Variants in CRIM1 observed in about 807,000 individuals in gnomAD.
CRIM1 encodes the protein cysteine-rich motor neuron 1 protein.
CRIM1 carries 32 observed loss-of-function variants against 116.4 expected under a neutral mutation model. That is an observed-to-expected ratio of 0.27 (90% CI 0.21 to 0.37). The LOEUF (loss-of-function observed/expected upper bound fraction) is 0.37. Ranked by LOEUF, CRIM1 falls within the 10% of genes least tolerant of loss-of-function variation. The probability of loss-of-function intolerance (pLI) is 1.00; values close to 1 mark genes in which losing one functional copy is unlikely to be tolerated. For missense variants in CRIM1, 1,331 were observed against 1,354.8 expected, an observed-to-expected ratio of 0.98 and a Z score of 0.28; for synonymous variants, 590 against 509.2, an observed-to-expected ratio of 1.16 and a Z score of -2.13.
intron 2 of CRIM1, among the ~76,000 whole-genome samples, chr2:36,422,781 C>A (rs145648109): frequency 1.3e-5 from 2 of 152,288 alleles, no homozygotes; most frequent in Non-Finnish European, 2.9e-5. Context: ...TTTAATACTT[C>A]GGAAATGGTT....
chr2:36,488,593 T>G (rs942862931), intron 7 of CRIM1, among the ~76,000 whole-genome samples: 7 of 152,290 alleles, frequency 4.6e-5, no homozygotes, highest in African/African-American at 1.7e-4. Context: ...ATATTTTGAG[T>G]TTAAGTTGAT....
intron 2 of CRIM1, among the ~76,000 whole-genome samples, chr2:36,438,419 A>C (rs945556812): frequency 6.6e-6 from 1 of 152,210 alleles, no homozygotes; most frequent in Non-Finnish European, 1.5e-5. Flanking sequence ...ACAAACTCCA[A>C]CTTAATCTGC....
Position 36,356,463 on chromosome 2 carries a change from G to A in CRIM1, c.171G>A (p.Gln57=). The part of the protein sequence containing the change: ...EPRNCPGSIV[Q]GVCGCCYTCA... ...GGAACTGCCCGGGGAGCATCGTGCA[G>A]GGCGTCTGCGGCTGCTGCTACACGT... is the stretch of plus-strand genomic sequence containing the variant. Residue 57 remains glutamine, a synonymous_variant, in exon 1 of 17, where the codon CAG becomes CAA. Transcript: ENST00000280527. The surrounding 1 kb of genome is among the most constrained non-coding windows in gnomAD (Gnocchi z 4.3). 1 of 1,612,606 alleles carries A rather than the reference G, an allele frequency of 6.2e-7. No homozygotes were observed. Among genetic ancestry groups the A allele is most frequent in the Non-Finnish European group, 8.5e-7 (1 of 1,179,824 alleles).
intron 11 of CRIM1, 45 bp downstream of exon 11, chr2:36,513,810 C>T: frequency 6.4e-7 from 1 of 1,564,480 alleles, no homozygotes; most frequent in South Asian, 1.1e-5. Context: ...CAAATGACTT[C>T]TGCCTTGCAG....
chr2:36,464,426 G>C, intron 4 of CRIM1, 108 bp from the exon 5 acceptor site: 2 of 1,138,716 alleles, frequency 1.8e-6, no homozygotes, highest in Non-Finnish European at 1.3e-6. Context: ...AGGCAGTGTC[G>C]TATAGACCAG....
At chr2:36,412,060 T>C (rs1673253724) in intron 2 of CRIM1, among the ~76,000 whole-genome samples, 1 of 152,168 alleles carries the variant, frequency 6.6e-6, no homozygotes, top group African/African-American at 2.4e-5. Context: ...TCGAAAACTG[T>C]CTTCCTTTTG....
intron 2 of CRIM1, among the ~76,000 whole-genome samples, chr2:36,417,830 C>T (rs757205082): frequency 2.0e-5 from 3 of 151,944 alleles, no homozygotes; most frequent in Admixed American, 6.6e-5. Context: ...TTTACAGGTA[C>T]GAGAAAAATG....
At chr2:36,543,721 A>AGAT (rs1667119453) in intron 14 of CRIM1, among the ~76,000 whole-genome samples, 1 of 147,800 alleles carries the variant, frequency 6.8e-6, no homozygotes, top group Non-Finnish European at 1.5e-5. Context: ...CTGATATTTG[A>AGAT]GATAAATAAT....
chr2:36,368,980 G>A (rs1342397329), intron 1 of CRIM1: 4 of 152,040 alleles, frequency 2.6e-5, no homozygotes, highest in Admixed American at 2.6e-4. Context: ...AGATCTTACC[G>A]TCTCTCTTCC....
At chr2:36,481,805 C>G (rs1679438720) in intron 7 of CRIM1, among the ~76,000 whole-genome samples, 1 of 152,186 alleles carries the variant, frequency 6.6e-6, no homozygotes, top group Non-Finnish European at 1.5e-5. Context: ...CTTGCTTCCC[C>G]TGCCCCACAC....
At chr2:36,393,350 A>G (rs1193893005) in intron 1 of CRIM1, among the ~76,000 whole-genome samples, 1 of 152,116 alleles carries the variant, frequency 6.6e-6, no homozygotes, top group Non-Finnish European at 1.5e-5. Flanking sequence ...ATCTTGAAAC[A>G]TAGTTTTCCT....
chr2:36,457,599 T>C (rs916707145), intron 4 of CRIM1, among the ~76,000 whole-genome samples: 1 of 152,068 alleles, frequency 6.6e-6, no homozygotes, highest in African/African-American at 2.4e-5. Flanking sequence ...GAGGGTTAGT[T>C]ATTCATACAC....
chr2:36,512,231 CTT>C (rs764052845), intron 9 of CRIM1, 40 bp from the exon 10 acceptor site: 4 of 1,601,102 alleles, frequency 2.5e-6, no homozygotes, highest in South Asian at 1.1e-5. Flanking sequence ...TCATTTGAGA[CTT>C]TGTGATTTTC....
At chr2:36,374,092 A>G (rs942592496) in intron 1 of CRIM1, among the ~76,000 whole-genome samples, 1 of 152,190 alleles carries the variant, frequency 6.6e-6, no homozygotes, top group Non-Finnish European at 1.5e-5. Context: ...TACCCATACT[A>G]TGTGTCAAGA....
chr2:36,408,914 T>C (rs1673010227), intron 2 of CRIM1, among the ~76,000 whole-genome samples: 1 of 152,030 alleles, frequency 6.6e-6, no homozygotes, highest in South Asian at 2.1e-4. Context: ...TTTATCACTA[T>C]AGGTAAGGAA....
chr2:36,396,693 T>C lies in CRIM1; in HGVS notation c.411T>C (p.Asn137=). Residue 137 remains asparagine, a synonymous_variant, in exon 2 of 17, where the codon AAT becomes AAC. Transcript: ENST00000280527. Reference sequence around the variant, plus strand: ...TTATTGCTGGCTGCAATATAATCAATGGGAAATGTGAATGTAACACCATTC... The same window carrying C: ...TTATTGCTGGCTGCAATATAATCAACGGGAAATGTGAATGTAACACCATTC... ...ENLIAGCNII[N]GKCECNTIRT... 1 of 1,613,680 alleles carries C rather than the reference T, an allele frequency of 6.2e-7. No homozygotes were observed. The highest frequency in any genetic ancestry group is 8.5e-7 in the Non-Finnish European group (1 of 1,179,606).
Position 36,408,180 on chromosome 2 carries a change from G to A in CRIM1, c.505+11393G>A, listed in dbSNP as rs181251609. Among the ~76,000 whole-genome samples, 29 of 152,292 alleles carry A rather than the reference G, an allele frequency of 1.9e-4. No homozygotes were observed. In the Middle Eastern group the frequency reaches 0.01, roughly 54 times the overall value. On this transcript the variant is annotated intron_variant, in intron 2 of 16. Coordinates refer to ENST00000280527, the MANE Select transcript of CRIM1 (RefSeq NM_016441.3). The stretch of plus-strand genomic sequence containing the variant: ...TGCAAGGACAAAAACAACCTGACAG[G>A]TTGAGCCAGATAAATGGTGTTCTTG...
At position 36,476,940 on chromosome 2, in the gene CRIM1, T is replaced by C. The variant is rs752686443; in HGVS notation, c.1043T>C (p.Met348Thr). 6 of 1,614,104 alleles carry C rather than the reference T, an allele frequency of 3.7e-6. No homozygotes were observed. Among genetic ancestry groups the C allele is most frequent in the Non-Finnish European group, 5.1e-6 (6 of 1,179,962 alleles). ...AATGTGGAATATTATGATGGAGACA[T>C]GTTTCGAATGGACAACTGTCGGTTC... The part of the protein sequence containing the change: ...FNNVEYYDGD[M>T]FRMDNCRFCR... Residue 348 changes from methionine to threonine, a missense_variant, in exon 6 of 17, where the codon ATG (methionine) becomes ACG (threonine). By Grantham distance (81) the Met-to-Thr change is moderately conservative (BLOSUM62 -1). Around this residue, in one of 3 missense-constraint regions of CRIM1, gnomAD observed 690 missense variants for 676.0 expected, o/e 1.02. Transcript: ENST00000280527.
chr2:36,468,324 A>G (rs188510051), intron 5 of CRIM1, among the ~76,000 whole-genome samples: 3 of 152,354 alleles, frequency 2.0e-5, no homozygotes, highest in Admixed American at 2.0e-4. Context: ...TTTTGAAAAC[A>G]CTAGCCTGAT....
Sources: allele counts gnomAD v4.1 joint callset (sites outside exome capture counted in the v4.1 genomes callset), GRCh38; gene constraint gnomAD v4.1.1; regional missense constraint gnomAD v4.1.1; non-coding constraint Gnocchi (gnomAD v3.1); transcripts MANE v1.5; gene names NCBI Gene and HGNC (gene_info 2026-07-23, HGNC 2026-07-21).